MICAL3: variants seen among roughly 807,000 people sequenced by gnomAD.
MICAL3 encodes [F-actin]-monooxygenase MICAL3.
In MICAL3, 62 loss-of-function variants were observed where a neutral mutation model predicts 207.4. That is an observed-to-expected ratio of 0.30 (90% CI 0.24 to 0.37). The LOEUF (loss-of-function observed/expected upper bound fraction) is 0.37. Among genes scored for constraint, MICAL3 ranks in the 10% least tolerant of loss-of-function variants. MICAL3 has a pLI of 1.00. For synonymous variants in MICAL3, 1,077 were observed against 1,069.3 expected, an observed-to-expected ratio of 1.01 and a Z score of -0.14; for missense variants, 2,368 against 2,635.6, an observed-to-expected ratio of 0.90 and a Z score of 2.22.
At chr22:17,928,448 G>T (rs5747423) in intron 1 of MICAL3, among the ~76,000 whole-genome samples, 1 of 143,530 alleles carries the variant, frequency 7.0e-6, no homozygotes, top group Admixed American at 6.9e-5. Flanking sequence ...CAAAAAAAAA[G>T]AAAGAAAGAA....
chr22:17,967,463 AACACACACACACACACAC>A (rs71184751), intron 1 of MICAL3, among the ~76,000 whole-genome samples: 200 of 126,136 alleles, frequency 1.6e-3, no homozygotes, highest in Non-Finnish European at 2.7e-3. Context: ...TGTACATGCA[AACACACACACACACACAC>A]ACACACACAC....
chr22:17,985,558 G>A (rs963383589), intron 1 of MICAL3, among the ~76,000 whole-genome samples: 51 of 152,240 alleles, frequency 3.3e-4, no homozygotes, highest in African/African-American at 1.1e-3. Flanking sequence ...TGCCTGGGGC[G>A]GGGAAGCAGA....
intron 1 of MICAL3, among the ~76,000 whole-genome samples, chr22:18,003,930 T>A (rs190707270): frequency 2.4e-4 from 36 of 151,980 alleles, no homozygotes; most frequent in Admixed American, 1.8e-3. Context: ...CCACCACACC[T>A]GGCTAATTTT....
intron 1 of MICAL3, among the ~76,000 whole-genome samples, chr22:17,990,439 G>A (rs775647582): frequency 2.6e-5 from 4 of 152,174 alleles, no homozygotes; most frequent in Admixed American, 2.0e-4. Context: ...CAGCTGATGC[G>A]TGGGGTGCTC....
intron 1 of MICAL3, among the ~76,000 whole-genome samples, chr22:17,924,997 A>C (rs1028555361): frequency 3.3e-5 from 5 of 152,220 alleles, no homozygotes; most frequent in Admixed American, 6.5e-5. Context: ...GAACAATGAA[A>C]TTGACCAAAT....
At chr22:17,804,056 G>A (rs998464676) in intron 29 of MICAL3, among the ~76,000 whole-genome samples, 1 of 152,210 alleles carries the variant, frequency 6.6e-6, no homozygotes, top group Non-Finnish European at 1.5e-5. Context: ...CACACATGCC[G>A]TATCTGCATA....
chr22:17,794,939 T>A (rs1250796114), intron 29 of MICAL3, among the ~76,000 whole-genome samples: 1 of 152,164 alleles, frequency 6.6e-6, no homozygotes, highest in African/African-American at 2.4e-5. Context: ...GTGTGTGGTT[T>A]ACAGAGAGAA....
At chr22:17,933,930 T>A (rs993974897) in intron 1 of MICAL3, among the ~76,000 whole-genome samples, 6 of 152,204 alleles carry the variant, frequency 3.9e-5, no homozygotes, top group African/African-American at 1.4e-4. Context: ...CAGGAAGAAG[T>A]TGAATCTCTG....
rs372981817 is a variant in MICAL3, at chr22:17,877,450, T to G, written c.2242-5427A>C. 2.2e-4 allele frequency among the ~76,000 whole-genome samples: 22 copies of G among 102,090 alleles called. 1 individual carries two copies. The highest frequency in any genetic ancestry group is 1.1e-3 in the East Asian group (4 of 3,578). 67.0% of individuals were successfully genotyped at this position (102,090 alleles called of 152,430 possible). On this transcript the variant is annotated intron_variant, in intron 16 of 31. Coordinates refer to ENST00000441493, the MANE Select transcript of MICAL3 (RefSeq NM_015241.3). ...GAGATTATGGAGGTGAGGGAGGTTATGGAGGTTAGGGAGATTATGGAGGTT... is the reference window on the plus strand; with the variant it reads ...GAGATTATGGAGGTGAGGGAGGTTAGGGAGGTTAGGGAGATTATGGAGGTT...
chr22:17,965,699 C>T (rs114517412), intron 1 of MICAL3, among the ~76,000 whole-genome samples: 2,051 of 152,284 alleles, frequency 0.013, 40 homozygotes, highest in African/African-American at 0.042. Flanking sequence ...AGCCTGGAAC[C>T]GTGAACACTA....
At chr22:17,847,401 G>A (rs1284860846) in intron 19 of MICAL3, among the ~76,000 whole-genome samples, 1 of 152,206 alleles carries the variant, frequency 6.6e-6, no homozygotes, top group East Asian at 1.9e-4. Context: ...TCCCATGTCT[G>A]TAAGTAGGAT....
At chr22:17,888,592 T>A (rs5747395) in intron 13 of MICAL3, among the ~76,000 whole-genome samples, 1,820 of 152,066 alleles carry the variant, frequency 0.012, 18 homozygotes, top group Non-Finnish European at 0.019. Context: ...AGATGGGAAC[T>A]GAGAAAAGAG....
intron 13 of MICAL3, among the ~76,000 whole-genome samples, chr22:17,888,692 C>T (rs1207589771): frequency 2.6e-5 from 4 of 152,098 alleles, no homozygotes; most frequent in East Asian, 1.9e-4. Flanking sequence ...AAGTTTGGGC[C>T]GTGCAGAAGC....
chr22:18,022,811 A>C (rs1924570879), intron 1 of MICAL3, among the ~76,000 whole-genome samples: 1 of 152,184 alleles, frequency 6.6e-6, no homozygotes, highest in Non-Finnish European at 1.5e-5. Flanking sequence ...TGGTTAGTAC[A>C]TAGGCAGCCA....
At chr22:17,846,301 G>A (rs1042121530) in intron 19 of MICAL3, among the ~76,000 whole-genome samples, 2 of 152,072 alleles carry the variant, frequency 1.3e-5, no homozygotes, top group Non-Finnish European at 2.9e-5. Context: ...AGGGAAGGTG[G>A]TACTCAGAGG....
Position 17,947,199 on chromosome 22 carries a change from C to T in MICAL3, c.-74-40313G>A, listed in dbSNP as rs367990100. The stretch of plus-strand genomic sequence containing the variant: ...CAGGCCAGCCTACAGCCGCTGCACG[C>T]GTTCATCTTGCAGCCTGGGCCCTGC... On this transcript the variant is annotated intron_variant, in intron 1 of 31. Coordinates refer to ENST00000441493, the MANE Select transcript of MICAL3 (RefSeq NM_015241.3). 2.2e-4 allele frequency among the ~76,000 whole-genome samples: 34 copies of T among 152,350 alleles called. No homozygotes were observed. The East Asian group carries it at 6.6e-3, about 29-fold the overall frequency.
At chr22:17,967,874 G>GCC (rs147267086) in intron 1 of MICAL3, among the ~76,000 whole-genome samples, 1 of 152,060 alleles carries the variant, frequency 6.6e-6, no homozygotes, top group Non-Finnish European at 1.5e-5. Context: ...GTGAAACCCT[G>GCC]TCTACTAAAA....
intron 1 of MICAL3, among the ~76,000 whole-genome samples, chr22:18,000,452 G>C (rs1172581469): frequency 6.6e-6 from 1 of 152,230 alleles, no homozygotes; most frequent in South Asian, 2.1e-4. Context: ...CCCTTAACGG[G>C]ATGCGGCACA....
chr22:17,983,004 G>A (rs972909699), intron 1 of MICAL3, among the ~76,000 whole-genome samples: 1 of 152,088 alleles, frequency 6.6e-6, no homozygotes, highest in African/African-American at 2.4e-5. Context: ...AAGGACCTTG[G>A]GCTGAGGCCA....
Sources: allele counts gnomAD v4.1 joint callset (sites outside exome capture counted in the v4.1 genomes callset), GRCh38; gene constraint gnomAD v4.1.1; transcripts MANE v1.5; gene names NCBI Gene and HGNC (gene_info 2026-07-23, HGNC 2026-07-21).